RIMBP2: variants seen among roughly 807,000 people sequenced by gnomAD.
RIMBP2 encodes RIMS-binding protein 2.
RIMBP2 carries 48 observed loss-of-function variants against 118.6 expected under a neutral mutation model. The observed-to-expected ratio is 0.40, with a 90% CI of 0.32 to 0.51. The LOEUF is 0.51. Among genes scored for constraint, RIMBP2 ranks in the 20% least tolerant of loss-of-function variants. The pLI, the probability that RIMBP2 is intolerant of heterozygous loss-of-function variation, is 0.41. For missense variants in RIMBP2, 1,551 were observed against 1,768.3 expected (o/e 0.88, Z 2.20); for synonymous variants, 762 against 742.9 (o/e 1.03, Z -0.42).
At chr12:130,706,510 T>G (rs961856645) in intron 1 of RIMBP2, among the ~76,000 whole-genome samples, 7 of 152,240 alleles carry the variant, frequency 4.6e-5, no homozygotes, top group African/African-American at 1.7e-4. Flanking sequence ...AGGGACACGT[T>G]CACGGAGCAG....
chr12:130,509,538 C>A (rs1159897378), intron 3 of RIMBP2, among the ~76,000 whole-genome samples: 2 of 152,248 alleles, frequency 1.3e-5, no homozygotes, highest in African/African-American at 4.8e-5. Flanking sequence ...CTAAGGGCAG[C>A]TGCACACTGA....
chr12:130,476,873 G>A (rs1222535016), intron 5 of RIMBP2, among the ~76,000 whole-genome samples: 1 of 152,166 alleles, frequency 6.6e-6, no homozygotes, highest in Non-Finnish European at 1.5e-5. Context: ...TGCTTGGAGG[G>A]GCAGACGGCC....
At chr12:130,398,067 C>G (rs2074202616) in intron 22 of RIMBP2, 1 of 152,388 alleles carries the variant, frequency 6.6e-6, no homozygotes, top group Non-Finnish European at 1.5e-5. Flanking sequence ...TAAAATGAAC[C>G]TTAATTATAA....
intron 2 of RIMBP2, among the ~76,000 whole-genome samples, chr12:130,518,209 A>G (rs969019653): frequency 2.6e-5 from 4 of 152,236 alleles, no homozygotes; most frequent in Non-Finnish European, 2.9e-5. Flanking sequence ...CTTCTCGCCA[A>G]TTGGAGTTGT....
chr12:130,541,200 T>A (rs1309161971), intron 2 of RIMBP2, among the ~76,000 whole-genome samples: 1 of 152,172 alleles, frequency 6.6e-6, no homozygotes, highest in Non-Finnish European at 1.5e-5. Context: ...GGAGCAGGCA[T>A]CCTCCTGTCT....
In RIMBP2 at chr12:130,657,957, G is replaced by A. The variant is rs1452078118; in HGVS notation, c.-351-29501C>T. 2.6e-5 allele frequency: 4 copies of A among 152,244 alleles called. No individual in the cohort carries two copies. The East Asian group carries it at 7.7e-4, about 29-fold the overall frequency. 9.4% of individuals were successfully genotyped at this position (152,244 alleles called of 1,614,324 possible). A position where few individuals can be genotyped will look rare whatever the true frequency, so the allele number is the denominator to read the frequency against. ...GAATATTTAAAATCAGAGAACGCAC[G>A]GCTGGACACAAGGCAAACCGTATTC... On this transcript the variant is annotated intron_variant, in intron 1 of 22. Transcript: ENST00000690449.
At chr12:130,590,584 G>A (rs577924602) in intron 2 of RIMBP2, among the ~76,000 whole-genome samples, 1 of 152,190 alleles carries the variant, frequency 6.6e-6, no homozygotes, top group Non-Finnish European at 1.5e-5. Context: ...CACTAAAGAA[G>A]GATGACAGAT....
At chr12:130,400,688 G>A (rs1355732549) in intron 21 of RIMBP2, among the ~76,000 whole-genome samples, 2 of 152,186 alleles carry the variant, frequency 1.3e-5, no homozygotes, top group Non-Finnish European at 2.9e-5. Context: ...GCAGAGTGAT[G>A]AGTACCTGTG....
intron 4 of RIMBP2, among the ~76,000 whole-genome samples, chr12:130,495,531 C>A (rs1836805335): frequency 6.6e-6 from 1 of 152,236 alleles, no homozygotes; most frequent in African/African-American, 2.4e-5. Flanking sequence ...AAATTCTTAT[C>A]TATTTGCTGG....
intron 15 of RIMBP2, chr12:130,425,890 G>A (rs1445218987): frequency 2.0e-5 from 3 of 152,536 alleles, no homozygotes; most frequent in Non-Finnish European, 4.4e-5. Flanking sequence ...GACCATGTGG[G>A]ATTTGCCTAA....
intron 2 of RIMBP2, among the ~76,000 whole-genome samples, chr12:130,555,883 A>G (rs182251095): frequency 3.9e-4 from 60 of 152,354 alleles, no homozygotes; most frequent in Admixed American, 3.8e-3. Context: ...AATAATCATG[A>G]AAGGCAGCCG....
At chr12:130,408,061 A>G (rs1401344400) in intron 19 of RIMBP2, among the ~76,000 whole-genome samples, 1 of 152,164 alleles carries the variant, frequency 6.6e-6, no homozygotes, top group East Asian at 1.9e-4. Flanking sequence ...TTAGACTAAC[A>G]TGAACCTTTT....
At chr12:130,467,686 C>T (rs182807372) in intron 6 of RIMBP2, among the ~76,000 whole-genome samples, 5 of 152,330 alleles carry the variant, frequency 3.3e-5, no homozygotes, top group East Asian at 1.9e-4. Context: ...ACCCACTAGG[C>T]GGTTACACTA....
chr12:130,479,634 C>T (rs994884972), intron 4 of RIMBP2, among the ~76,000 whole-genome samples: 13 of 139,694 alleles, frequency 9.3e-5, no homozygotes, highest in African/African-American at 3.2e-4. Flanking sequence ...CGCACCCTCC[C>T]GGGAGCTTCC....
At chr12:130,526,076 G>A (rs1315046919) in intron 2 of RIMBP2, among the ~76,000 whole-genome samples, 1 of 152,046 alleles carries the variant, frequency 6.6e-6, no homozygotes, top group Non-Finnish European at 1.5e-5. Flanking sequence ...GGAAGGTTCA[G>A]AAATGCCTCC....
At chr12:130,455,376 G>A (rs747158564) in intron 7 of RIMBP2, among the ~76,000 whole-genome samples, 5 of 151,996 alleles carry the variant, frequency 3.3e-5, no homozygotes, top group South Asian at 2.1e-4. Context: ...TCGTCTGCCC[G>A]CCAGCGGGAG....
Position 130,437,244 on chromosome 12 carries a change from A to G in RIMBP2, c.1704T>C (p.Leu568=), listed in dbSNP as rs1269785110. The change falls in exon 13 of 23, where the codon CTT becomes CTC. Residue 568 remains leucine, a synonymous_variant. Coordinates refer to ENST00000690449, the MANE Select transcript of RIMBP2 (RefSeq NM_001393629.1). ...TGGCCTCCAGGCTCCGCAGCCGCAC[A>G]AGCTCCACGGCCGTGCTGTCTGCCG... The part of the protein sequence containing the change: ...FPTADSTAVE[L]VRLRSLEAKG... 6.3e-6 allele frequency: 10 copies of G among 1,586,862 alleles called. No homozygotes were observed. Among genetic ancestry groups the G allele is most frequent in the East Asian group, 2.3e-5 (1 of 44,102 alleles).
At chr12:130,690,273 G>T (rs553273204) in intron 1 of RIMBP2, among the ~76,000 whole-genome samples, 146 of 152,266 alleles carry the variant, frequency 9.6e-4, no homozygotes, top group African/African-American at 3.2e-3. Flanking sequence ...CATGGACACA[G>T]AGAGAGACAT....
At chr12:130,501,875 C>T (rs970461344) in intron 4 of RIMBP2, among the ~76,000 whole-genome samples, 2 of 152,230 alleles carry the variant, frequency 1.3e-5, no homozygotes, top group Admixed American at 6.5e-5. Context: ...CCCTGCCCCG[C>T]ACCACATCTA....
Sources: allele counts gnomAD v4.1 joint callset (sites outside exome capture counted in the v4.1 genomes callset), GRCh38; gene constraint gnomAD v4.1.1; transcripts MANE v1.5; gene names NCBI Gene and HGNC (gene_info 2026-07-23, HGNC 2026-07-21).